RALGPS2: variants seen among roughly 807,000 people sequenced by gnomAD.
RALGPS2 encodes ras-specific guanine nucleotide-releasing factor RalGPS2.
RALGPS2 carries 43 observed loss-of-function variants against 86.8 expected under a neutral mutation model. The observed-to-expected ratio is 0.50, with a 90% CI of 0.39 to 0.64. The LOEUF (loss-of-function observed/expected upper bound fraction) is 0.64. RALGPS2 is among the 30% of genes least tolerant of loss of function. RALGPS2 has a pLI of 0.00. For synonymous variants in RALGPS2, 243 were observed against 231.3 expected (o/e 1.05, Z -0.46); for missense variants, 536 against 694.6 (o/e 0.77, Z 2.57).
At chr1:178,748,283 G>A (rs7516873) in intron 1 of RALGPS2, among the ~76,000 whole-genome samples, 5,494 of 150,104 alleles carry the variant, frequency 0.037, 333 homozygotes, top group African/African-American at 0.13. Flanking sequence ...TTGTGCCACT[G>A]CACTCCAGCC....
chr1:178,847,305 G>T (rs1009662157), intron 8 of RALGPS2, among the ~76,000 whole-genome samples: 1 of 152,226 alleles, frequency 6.6e-6, no homozygotes, highest in Non-Finnish European at 1.5e-5. Context: ...AATTAGCTGG[G>T]TGTGGTGGTG....
At chr1:178,740,863 C>A (rs75215226) in intron 1 of RALGPS2, among the ~76,000 whole-genome samples, 4,576 of 152,246 alleles carry the variant, frequency 0.03, 223 homozygotes, top group African/African-American at 0.1. Flanking sequence ...CCAGCCCCTG[C>A]AACCTTGGGC....
chr1:178,833,813 T>A (rs1656137981), intron 8 of RALGPS2, among the ~76,000 whole-genome samples: 1 of 152,138 alleles, frequency 6.6e-6, no homozygotes, highest in Non-Finnish European at 1.5e-5. Context: ...AAAACAATAT[T>A]TTTAGCTGTT....
chr1:178,915,246 T>G (rs78187987), intron 19 of RALGPS2, among the ~76,000 whole-genome samples: 1 of 152,210 alleles, frequency 6.6e-6, no homozygotes, highest in East Asian at 1.9e-4. Flanking sequence ...TCTTTTTTTT[T>G]CTTTGAGACA....
At chr1:178,875,005 CAAA>C (rs955450186) in intron 8 of RALGPS2, among the ~76,000 whole-genome samples, 1 of 152,076 alleles carries the variant, frequency 6.6e-6, no homozygotes, top group African/African-American at 2.4e-5. Context: ...ATAAGGGAAT[CAAA>C]AATGTGTCAA....
rs576854716 is a variant in RALGPS2, at chr1:178,877,407, A to G, written c.608-91A>G. 46 of 1,537,218 alleles carry G rather than the reference A, an allele frequency of 3.0e-5. No homozygotes were observed. In the South Asian group the frequency reaches 5.5e-4, roughly 18 times the overall value. The stretch of plus-strand genomic sequence containing the variant: ...TTTTAAATGTAGCGTACAGTGGAAT[A>G]TATCTATAAACAACCCCTTCCCCCC... On this transcript the variant is annotated intron_variant, in intron 8 of 19. Coordinates refer to ENST00000367635, the MANE Select transcript of RALGPS2 (RefSeq NM_152663.5).
chr1:178,852,387 T>G (rs1657230429), intron 8 of RALGPS2, among the ~76,000 whole-genome samples: 1 of 152,204 alleles, frequency 6.6e-6, no homozygotes, highest in Admixed American at 6.5e-5. Context: ...TGGTAGGTGT[T>G]CAGTTAGTAT....
intron 8 of RALGPS2, among the ~76,000 whole-genome samples, chr1:178,874,391 G>A (rs1052720214): frequency 4.6e-5 from 7 of 151,970 alleles, no homozygotes; most frequent in South Asian, 2.1e-4. Flanking sequence ...ATAGACCCAC[G>A]AAACAGTAGT....
At chr1:178,754,518 T>C (rs1651854498) in intron 1 of RALGPS2, among the ~76,000 whole-genome samples, 1 of 152,144 alleles carries the variant, frequency 6.6e-6, no homozygotes, top group Non-Finnish European at 1.5e-5. Context: ...AACACCAATG[T>C]TCAGTTAAAG....
At chr1:178,752,875 TTCTC>T (rs912472958) in intron 1 of RALGPS2, among the ~76,000 whole-genome samples, 10 of 152,176 alleles carry the variant, frequency 6.6e-5, no homozygotes, top group African/African-American at 9.7e-5. Flanking sequence ...AGTATGGTCT[TTCTC>T]TCTCTCTTTT....
intron 18 of RALGPS2, 49 bp downstream of exon 18, chr1:178,902,260 G>A: frequency 1.5e-6 from 2 of 1,357,806 alleles, no homozygotes; most frequent in Non-Finnish European, 2.1e-6. Context: ...ATGTGTTTGT[G>A]TATATGTATG....
chr1:178,780,005 A>T (rs978324593), intron 2 of RALGPS2, among the ~76,000 whole-genome samples: 4 of 152,152 alleles, frequency 2.6e-5, no homozygotes, highest in African/African-American at 9.7e-5. Flanking sequence ...AACTGCTGGG[A>T]TTATAGATGT....
intron 1 of RALGPS2, among the ~76,000 whole-genome samples, chr1:178,765,708 T>C (rs528040942): frequency 1.3e-5 from 2 of 152,198 alleles, no homozygotes; most frequent in Admixed American, 6.5e-5. Flanking sequence ...GTCCCTTATC[T>C]ACAACCATAA....
At chr1:178,787,063 A>G (rs941756888) in intron 4 of RALGPS2, among the ~76,000 whole-genome samples, 40 of 152,128 alleles carry the variant, frequency 2.6e-4, no homozygotes, top group African/African-American at 8.7e-4. Flanking sequence ...AGAACAATGT[A>G]TTCTATAAAT....
intron 8 of RALGPS2, among the ~76,000 whole-genome samples, chr1:178,868,090 G>A (rs1658530592): frequency 6.6e-6 from 1 of 151,882 alleles, no homozygotes; most frequent in Non-Finnish European, 1.5e-5. Flanking sequence ...CTGACTGATA[G>A]CCAAAGCACA....
At position 178,733,945 on chromosome 1, in the gene RALGPS2, A is replaced by T. The variant is rs146441372; in HGVS notation, c.-84+8526A>T. Reference sequence around the variant, plus strand: ...AGAATGTGAAAAGACAATACACAGAATTGGAGAAAATATTTGCAAGTCATA... The same window carrying T: ...AGAATGTGAAAAGACAATACACAGATTTGGAGAAAATATTTGCAAGTCATA... On this transcript the variant is annotated intron_variant, in intron 1 of 19. Coordinates refer to ENST00000367635, the MANE Select transcript of RALGPS2 (RefSeq NM_152663.5). 3.0e-3 allele frequency among the ~76,000 whole-genome samples: 451 copies of T among 152,360 alleles called. 1 individual carries two copies. The highest frequency in any genetic ancestry group is 0.01 in the African/African-American group (432 of 41,580).
At chr1:178,863,677 C>T (rs1658184760) in intron 8 of RALGPS2, among the ~76,000 whole-genome samples, 1 of 151,464 alleles carries the variant, frequency 6.6e-6, no homozygotes, top group South Asian at 2.1e-4. Flanking sequence ...ATCATCTGAG[C>T]AGTGGTGATA....
intron 8 of RALGPS2, among the ~76,000 whole-genome samples, chr1:178,844,237 C>A (rs3766643): frequency 0.46 from 70,488 of 151,840 alleles, 17,642 homozygotes; most frequent in African/African-American, 0.65. Flanking sequence ...AGAATATATC[C>A]ATGAAATATC....
intron 7 of RALGPS2, among the ~76,000 whole-genome samples, chr1:178,822,345 A>G (rs1043957316): frequency 6.6e-6 from 1 of 151,988 alleles, no homozygotes; most frequent in East Asian, 1.9e-4. Context: ...TATAGTTTAT[A>G]TAAGTAAAAT....
Sources: gnomAD v4.1 joint callset for allele counts (sites outside exome capture counted in the v4.1 genomes callset) on GRCh38, gnomAD v4.1.1 for gene constraint, MANE v1.5 for transcripts, NCBI Gene and HGNC (gene_info 2026-07-23, HGNC 2026-07-21) for gene names.